INSL6: variants seen among roughly 807,000 people sequenced by gnomAD.
INSL6 encodes the protein insulin-like peptide INSL6.
Under a neutral mutation model 9.4 loss-of-function variants are expected in INSL6, and 16 were observed. The ratio of observed to expected loss-of-function variants is 1.70; its 90% CI spans 1.15 to 2.59. The LOEUF is 2.59. Ranked by LOEUF, INSL6 falls within the 30% of genes most tolerant of loss-of-function variation. The pLI, the probability that INSL6 is intolerant of heterozygous loss-of-function variation, is 0.00. For missense variants in INSL6, 391 were observed against 257.3 expected (o/e 1.52, Z -3.56); for synonymous variants, 154 against 96.9 (o/e 1.59, Z -3.46).
At chr9:5,161,055 C>T (rs370517060), downstream of INSL6, among the ~76,000 whole-genome samples, 5 of 152,024 alleles carry the variant, frequency 3.3e-5, no homozygotes, top group Admixed American at 6.6e-5. Flanking sequence ...AAAAAGTAGA[C>T]GTGGAGGGAA....
At chr9:5,124,588 C>T (rs1823853000) in intron 3 of INSL6, among the ~76,000 whole-genome samples, 1 of 151,686 alleles carries the variant, frequency 6.6e-6, no homozygotes, top group Non-Finnish European at 1.5e-5. Flanking sequence ...CAAAAAGAGC[C>T]CTAATAGCAA....
chr9:5,020,923 G>T, the INSL6 span, among the ~76,000 whole-genome samples: 23 of 152,130 alleles, frequency 1.5e-4, no homozygotes, highest in Non-Finnish European at 2.8e-4. Context: ...CCGTGCTGTA[G>T]CTGCTTAGGA....
rs765363029 is a variant in INSL6, at chr9:5,185,610, A to T, written c.-8T>A. 8.7e-6 allele frequency: 14 copies of T among 1,607,946 alleles called. No individual in the cohort carries two copies. The East Asian group carries it at 2.9e-4, about 33-fold the overall frequency. On this transcript the variant is annotated 5_prime_UTR_variant, in exon 1 of 2. Coordinates refer to ENST00000381641, the MANE Select transcript of INSL6 (RefSeq NM_007179.3). ...GCGGAGGAGCCGCGGCATCCCTGTG[A>T]CCCCAGGCTAGTCCTCCGCGTTGTG... is the stretch of plus-strand genomic sequence containing the variant.
chr9:5,027,554 G>A, the INSL6 span, among the ~76,000 whole-genome samples: 1 of 152,094 alleles, frequency 6.6e-6, no homozygotes, highest in Non-Finnish European at 1.5e-5. Context: ...GACAATGAAG[G>A]TTGCTGCATC....
At chr9:5,002,616 T>C in the INSL6 span, among the ~76,000 whole-genome samples, 2 of 151,956 alleles carry the variant, frequency 1.3e-5, no homozygotes, top group Non-Finnish European at 2.9e-5. Context: ...TTGTTGGGCA[T>C]TGTGTTCTGT....
chr9:5,038,045 A>G, the INSL6 span, among the ~76,000 whole-genome samples: 1 of 152,170 alleles, frequency 6.6e-6, no homozygotes, highest in Non-Finnish European at 1.5e-5. Flanking sequence ...CATAGTTACA[A>G]CTATTCATTA....
intron 1 of INSL6, among the ~76,000 whole-genome samples, chr9:5,167,581 C>T (rs1403453872): frequency 6.6e-6 from 1 of 152,194 alleles, no homozygotes; most frequent in Non-Finnish European, 1.5e-5. Context: ...ATTTTCACAT[C>T]CCCAGTGGAG....
Position 5,145,070 on chromosome 9 carries a change from T to C in INSL6, c.377-11478A>G, listed in dbSNP as rs547123048. Among the ~76,000 whole-genome samples the C allele has an allele frequency of 7.9e-5, 12 of 152,336 alleles. No individual in the cohort carries two copies. The South Asian group carries it at 2.1e-3, about 26-fold the overall frequency. On this transcript the variant is annotated intron_variant, in intron 2 of 3. Coordinates refer to the INSL6 transcript ENST00000649639. ...TGCTTCATAGTATTACTGGTCTGTA[T>C]ACTTCAATGTGTTTTTGTAGTGGTT...
chr9:5,033,302 T>C, the INSL6 span, among the ~76,000 whole-genome samples: 34 of 152,320 alleles, frequency 2.2e-4, no homozygotes, highest in Admixed American at 2.1e-3. Flanking sequence ...TGGAACCAAG[T>C]TGGAAAACAC....
chr9:5,029,679 C>T, the INSL6 span: 46 of 1,033,036 alleles, frequency 4.5e-5, no homozygotes, highest in Non-Finnish European at 5.4e-5. Context: ...CATTTTGTTC[C>T]GATTTTAAGA....
chr9:4,993,175 G>C, the INSL6 span, among the ~76,000 whole-genome samples: 1 of 152,156 alleles, frequency 6.6e-6, no homozygotes, highest in African/African-American at 2.4e-5. Context: ...TCTCTTTTGA[G>C]AGGAACTCTT....
the INSL6 span, among the ~76,000 whole-genome samples, chr9:4,994,363 G>A: frequency 2.0e-5 from 3 of 152,140 alleles, no homozygotes; most frequent in Non-Finnish European, 4.4e-5. Flanking sequence ...ATTACCTAAA[G>A]GACTTATTGA....
At position 5,149,725 on chromosome 9, in the gene INSL6, G is replaced by GAA. The variant is rs553246908; in HGVS notation, c.376+14452_376+14453dup. On this transcript the variant is annotated intron_variant, in intron 2 of 3. Transcript: ENST00000649639. ...GCAATGTCATTTTTTCACAGAATTA[G>GAA]AAAAAAAAATCCTAAAATTCACAAG... Among the ~76,000 whole-genome samples, 339 of 150,704 alleles carry GAA rather than the reference G, an allele frequency of 2.2e-3. 2 individuals carry two copies. The highest frequency in any genetic ancestry group is 7.9e-3 in the African/African-American group (323 of 41,046).
intron 1 of INSL6, among the ~76,000 whole-genome samples, chr9:5,182,604 G>C (rs114855499): frequency 0.019 from 2,956 of 152,022 alleles, 117 homozygotes; most frequent in African/African-American, 0.068. Flanking sequence ...ATAAAGAGAA[G>C]GGCCCTTTAC....
chr9:5,065,253 G>A, the INSL6 span, among the ~76,000 whole-genome samples: 12 of 152,012 alleles, frequency 7.9e-5, no homozygotes, highest in Admixed American at 2.0e-4. Flanking sequence ...TTTATAAGTT[G>A]TACAAGTTTA....
intron 1 of INSL6, among the ~76,000 whole-genome samples, chr9:5,181,050 CTT>C (rs569331134): frequency 2.8e-4 from 42 of 152,272 alleles, no homozygotes; most frequent in African/African-American, 1.0e-3. Flanking sequence ...TCTTTGTACT[CTT>C]TATTTCTCAG....
the INSL6 span, among the ~76,000 whole-genome samples, chr9:4,993,204 G>T: frequency 2.0e-5 from 3 of 152,170 alleles, no homozygotes; most frequent in African/African-American, 7.2e-5. Context: ...TAAGCTCTGT[G>T]TGAGTCTGCT....
At chr9:5,126,289 A>T (rs1823990138) in intron 3 of INSL6, 1 of 1,374,828 alleles carries the variant, frequency 7.3e-7, no homozygotes, top group African/African-American at 1.5e-5. Context: ...GAATTTTGCT[A>T]CAAATTAAAT....
At chr9:5,075,932 CA>C in the INSL6 span, among the ~76,000 whole-genome samples, 12 of 152,162 alleles carry the variant, frequency 7.9e-5, no homozygotes, top group South Asian at 2.5e-3. Context: ...ATCAAAATGG[CA>C]GCATTAATAG....
Sources: allele counts gnomAD v4.1 joint callset (sites outside exome capture counted in the v4.1 genomes callset), GRCh38; gene constraint gnomAD v4.1.1; transcripts MANE v1.5; gene names NCBI Gene and HGNC (gene_info 2026-07-23, HGNC 2026-07-21).